SLMAP: variants seen among roughly 807,000 people sequenced by gnomAD.
SLMAP encodes sarcolemmal membrane-associated protein.
A neutral mutation model predicts 128.8 loss-of-function variants in SLMAP; 44 were observed. That is an observed-to-expected ratio of 0.34 (90% CI 0.27 to 0.44). The LOEUF (loss-of-function observed/expected upper bound fraction) is 0.44. Among genes scored for constraint, SLMAP ranks in the 20% least tolerant of loss-of-function variants. The pLI, the probability that SLMAP is intolerant of heterozygous loss-of-function variation, is 1.00. For synonymous variants in SLMAP, 327 were observed against 348.8 expected, an observed-to-expected ratio of 0.94 and a Z score of 0.70; for missense variants, 787 against 985.3, an observed-to-expected ratio of 0.80 and a Z score of 2.69.
chr3:57,906,310 C>CTTTTTTTTCT (rs2096550422), intron 17 of SLMAP, among the ~76,000 whole-genome samples: 1 of 47,048 alleles, frequency 2.1e-5, no homozygotes, highest in African/African-American at 7.1e-5. Context: ...CTTTTTTTTT[C>CTTTTTTTTCT]TTTTTTTTTT....
intron 14 of SLMAP, among the ~76,000 whole-genome samples, chr3:57,882,084 T>C (rs1470700068): frequency 1.3e-5 from 2 of 152,206 alleles, no homozygotes; most frequent in Non-Finnish European, 2.9e-5. Context: ...AAACTTTTTA[T>C]ATATATTATT....
Position 57,896,657 on chromosome 3 carries a change from G to A in SLMAP, c.1441+66G>A, listed in dbSNP as rs531065923. 28 of 1,310,798 alleles carry A rather than the reference G, an allele frequency of 2.1e-5. No individual in the cohort carries two copies. In the South Asian group the frequency reaches 3.3e-4, roughly 15 times the overall value. The allele number at this position is 1,310,798 out of a possible 1,614,324, so 81.2% of individuals were successfully genotyped here. ...TGGCAGTTTAGTTATATAGGTCAAT[G>A]TGAGTGGAGATTTCAAAGTATGTGT... On this transcript the variant is annotated intron_variant, in intron 16 of 24. Coordinates refer to ENST00000671191, the MANE Select transcript of SLMAP (RefSeq NM_001377540.1).
intron 2 of SLMAP, among the ~76,000 whole-genome samples, chr3:57,765,856 A>C (rs2079560948): frequency 6.6e-6 from 1 of 152,150 alleles, no homozygotes. Context: ...GAAATTGATA[A>C]AATATTTTAT....
intron 5 of SLMAP, among the ~76,000 whole-genome samples, chr3:57,848,397 ATTC>A (rs1219261741): frequency 1.7e-5 from 2 of 119,296 alleles, no homozygotes; most frequent in Non-Finnish European, 3.5e-5. Context: ...TTTCCTTCTT[ATTC>A]TTCTTTCTTC....
chr3:57,887,183 C>T (rs890625406), intron 14 of SLMAP, among the ~76,000 whole-genome samples: 1 of 151,072 alleles, frequency 6.6e-6, no homozygotes, highest in Non-Finnish European at 1.5e-5. Context: ...CAAAGGATAT[C>T]ATATAGTCAT....
chr3:57,839,459 G>A (rs1210033528), intron 3 of SLMAP, among the ~76,000 whole-genome samples: 5 of 16,156 alleles, frequency 3.1e-4, no homozygotes, highest in Non-Finnish European at 7.0e-4. Context: ...TTTTTTTTTT[G>A]AGATGGAGTC....
At chr3:57,848,656 C>T (rs2094384622) in intron 5 of SLMAP, among the ~76,000 whole-genome samples, 1 of 148,182 alleles carries the variant, frequency 6.7e-6, no homozygotes, top group Non-Finnish European at 1.5e-5. Context: ...CCTCCTCCTC[C>T]TTCCTTCTTC....
chr3:57,828,011 C>G (rs150616925), intron 2 of SLMAP, among the ~76,000 whole-genome samples: 52 of 152,188 alleles, frequency 3.4e-4, no homozygotes, highest in Non-Finnish European at 6.8e-4. Context: ...TGCAGTGGCA[C>G]GATCTTAGCT....
intron 2 of SLMAP, among the ~76,000 whole-genome samples, chr3:57,814,215 C>T (rs540595156): frequency 6.6e-5 from 10 of 152,026 alleles, no homozygotes; most frequent in South Asian, 2.1e-4. Context: ...TTCCATTCAT[C>T]GTCCATCTCT....
intron 19 of SLMAP, among the ~76,000 whole-genome samples, chr3:57,911,554 TA>T (rs2096698283): frequency 6.6e-6 from 1 of 152,198 alleles, no homozygotes; most frequent in Admixed American, 6.5e-5. Flanking sequence ...GAGGCAGTAT[TA>T]ATTTTATTAA....
chr3:57,757,411 A>T lies in SLMAP; in HGVS notation c.-241A>T. ...AGAAGAAGATGGACTGAAAGCTGCC[A>T]GTTGGGGACTTTTTGTGATCACGGC... On this transcript the variant is annotated 5_prime_UTR_variant, in exon 2 of 25. Transcript: ENST00000671191. 1.8e-6 allele frequency: 1 copy of T among 564,336 alleles called. No individual in the cohort carries two copies. Among genetic ancestry groups the T allele is most frequent in the South Asian group, 2.1e-5 (1 of 48,264 alleles). The allele number at this position is 564,336 out of a possible 1,614,324, so 35.0% of individuals were successfully genotyped here.
chr3:57,862,406 G>A (rs981290930), intron 10 of SLMAP, among the ~76,000 whole-genome samples: 9 of 152,068 alleles, frequency 5.9e-5, no homozygotes, highest in Non-Finnish European at 8.8e-5. Context: ...TTGGGAGGCC[G>A]AGGCGGGCAG....
intron 24 of SLMAP, among the ~76,000 whole-genome samples, chr3:57,926,493 G>A (rs140048422): frequency 6.6e-6 from 1 of 152,254 alleles, no homozygotes; most frequent in Non-Finnish European, 1.5e-5. Flanking sequence ...GGATATAAAT[G>A]TATCCCATTT....
At chr3:57,894,131 C>T (rs1198025442) in intron 15 of SLMAP, among the ~76,000 whole-genome samples, 2 of 151,906 alleles carry the variant, frequency 1.3e-5, no homozygotes, top group Non-Finnish European at 2.9e-5. Flanking sequence ...GATTTTAAAA[C>T]AATATATATA....
intron 14 of SLMAP, among the ~76,000 whole-genome samples, chr3:57,888,789 G>C (rs1040862890): frequency 7.2e-5 from 11 of 152,132 alleles, no homozygotes; most frequent in Non-Finnish European, 1.2e-4. Flanking sequence ...ATGGCTAAAA[G>C]TTGTAGGAAG....
chr3:57,827,004 GCTAT>G (rs975200789), intron 2 of SLMAP, among the ~76,000 whole-genome samples: 11 of 152,082 alleles, frequency 7.2e-5, no homozygotes, highest in African/African-American at 2.7e-4. Flanking sequence ...TTTTGGTTTT[GCTAT>G]CTTAGTCACT....
chr3:57,922,749 G>C (rs2096940566), intron 22 of SLMAP, 140 bp from the exon 23 acceptor site: 2 of 764,430 alleles, frequency 2.6e-6, no homozygotes, highest in Admixed American at 5.7e-5. Context: ...ATGAGTGCAA[G>C]TTATTCCTCC....
At chr3:57,758,621 A>G (rs1308402204) in intron 2 of SLMAP, among the ~76,000 whole-genome samples, 2 of 152,232 alleles carry the variant, frequency 1.3e-5, no homozygotes, top group African/African-American at 2.4e-5. Context: ...CAATTATAGC[A>G]TTACTTAAAT....
At chr3:57,908,143 T>C (rs923545464) in intron 18 of SLMAP, 137 bp downstream of exon 18, 143 of 752,732 alleles carry the variant, frequency 1.9e-4, no homozygotes, top group Middle Eastern at 2.6e-4. Context: ...TATATTTACT[T>C]GACCTCTCTA....
Sources: allele counts gnomAD v4.1 joint callset (sites outside exome capture counted in the v4.1 genomes callset), GRCh38; gene constraint gnomAD v4.1.1; transcripts MANE v1.5; gene names NCBI Gene and HGNC (gene_info 2026-07-23, HGNC 2026-07-21).